Variants in NELL2 observed in about 807,000 individuals in gnomAD.
The protein encoded by NELL2 is protein kinase C-binding protein NELL2.
In NELL2, 41 loss-of-function variants were observed where a neutral mutation model predicts 109.6. The observed-to-expected ratio is 0.37, with a 90% confidence interval of 0.29 to 0.49. The LOEUF is 0.49. NELL2 is among the 20% of genes least tolerant of loss of function. The pLI, the probability that NELL2 is intolerant of heterozygous loss-of-function variation, is 0.98. For synonymous variants in NELL2, 355 were observed against 344.7 expected (o/e 1.03, Z -0.33); for missense variants, 900 against 1,008.3 (o/e 0.89, Z 1.45).
At chr12:44,787,080 T>C (rs1942206529) in intron 3 of NELL2, among the ~76,000 whole-genome samples, 1 of 151,974 alleles carries the variant, frequency 6.6e-6, no homozygotes, top group Admixed American at 6.6e-5. Context: ...TTTGGCAGGG[T>C]CATAGGATAC....
chr12:44,522,575 T>C (rs768579725), intron 17 of NELL2, among the ~76,000 whole-genome samples: 15 of 152,188 alleles, frequency 9.9e-5, no homozygotes, highest in African/African-American at 3.6e-4. Flanking sequence ...TAATAACATA[T>C]ATATATTACT....
At chr12:44,565,582 C>T (rs1415464244) in intron 15 of NELL2, among the ~76,000 whole-genome samples, 1 of 152,092 alleles carries the variant, frequency 6.6e-6, no homozygotes, top group Non-Finnish European at 1.5e-5. Context: ...AGTGCAAAGT[C>T]CCAGGAGACA....
chr12:44,541,438 G>A (rs1942566962), intron 15 of NELL2, among the ~76,000 whole-genome samples: 1 of 151,748 alleles, frequency 6.6e-6, no homozygotes, highest in Non-Finnish European at 1.5e-5. Flanking sequence ...TATACTAACT[G>A]GAGCTTTAAA....
chr12:44,795,741 A>C (rs1471061765), intron 3 of NELL2, among the ~76,000 whole-genome samples: 1 of 152,138 alleles, frequency 6.6e-6, no homozygotes, highest in Non-Finnish European at 1.5e-5. Context: ...ATAAAGAGTG[A>C]ACTACAGTGG....
chr12:44,807,348 C>G (rs1943036086), intron 3 of NELL2, among the ~76,000 whole-genome samples: 1 of 151,402 alleles, frequency 6.6e-6, no homozygotes, highest in Non-Finnish European at 1.5e-5. Context: ...CACACACACA[C>G]ACACACACGC....
intron 12 of NELL2, among the ~76,000 whole-genome samples, chr12:44,692,725 C>G (rs928979226): frequency 6.6e-6 from 1 of 151,992 alleles, no homozygotes; most frequent in Non-Finnish European, 1.5e-5. Flanking sequence ...TTGAGTGGTT[C>G]AAGACTTCAG....
chr12:44,609,439 C>T (rs1945528554), intron 14 of NELL2, among the ~76,000 whole-genome samples: 1 of 152,038 alleles, frequency 6.6e-6, no homozygotes, highest in Non-Finnish European at 1.5e-5. Flanking sequence ...CAGAATGGTG[C>T]ACAGTTTTAA....
intron 2 of NELL2, among the ~76,000 whole-genome samples, chr12:44,828,686 T>C (rs955759109): frequency 1.8e-4 from 27 of 152,130 alleles, no homozygotes; most frequent in Non-Finnish European, 5.9e-5. Flanking sequence ...GAAGTGCATG[T>C]TGGAATTTTC....
At chr12:44,565,159 C>T (rs1310490352) in intron 15 of NELL2, among the ~76,000 whole-genome samples, 2 of 152,134 alleles carry the variant, frequency 1.3e-5, no homozygotes, top group Non-Finnish European at 2.9e-5. Flanking sequence ...CAAGAATGTT[C>T]TACCTTAGAA....
intron 12 of NELL2, among the ~76,000 whole-genome samples, chr12:44,692,740 G>A (rs1242421056): frequency 6.6e-6 from 1 of 152,146 alleles, no homozygotes; most frequent in Non-Finnish European, 1.5e-5. Flanking sequence ...CTTCAGTAGA[G>A]GGAGTAGCTG....
rs1474176627 is a variant in NELL2 at position 44,872,992 on chromosome 12, G to A, written c.184+2233C>T. Reference sequence around the variant, plus strand: ...TCCAAATGCTATTAGCAAAGACCTTGCCAAGGTAATGCGAAATTCCATGCA... The same window carrying A: ...TCCAAATGCTATTAGCAAAGACCTTACCAAGGTAATGCGAAATTCCATGCA... On this transcript the variant is annotated intron_variant, in intron 2 of 19. Transcript: ENST00000429094. 2.0e-5 allele frequency among the ~76,000 whole-genome samples: 3 copies of A among 152,104 alleles called. No homozygotes were observed. In the East Asian group the frequency reaches 5.8e-4, roughly 29 times the overall value.
chr12:44,738,969 A>G (rs1477730378), intron 9 of NELL2, among the ~76,000 whole-genome samples: 1 of 152,212 alleles, frequency 6.6e-6, no homozygotes, highest in Admixed American at 6.5e-5. Flanking sequence ...ATTGGAATTT[A>G]AAGTCCAAAC....
At chr12:44,568,577 C>T (rs1007526857) in intron 15 of NELL2, among the ~76,000 whole-genome samples, 4 of 151,862 alleles carry the variant, frequency 2.6e-5, no homozygotes, top group African/African-American at 9.7e-5. Flanking sequence ...TTCTTAAAGG[C>T]CAGAATTTGA....
intron 12 of NELL2, among the ~76,000 whole-genome samples, chr12:44,685,662 C>T (rs961379132): frequency 2.6e-5 from 4 of 151,896 alleles, no homozygotes; most frequent in Admixed American, 2.6e-4. Context: ...TTTTATTTCT[C>T]CTTCACTTAT....
At chr12:44,706,368 G>T (rs7966932) in intron 11 of NELL2, among the ~76,000 whole-genome samples, 1 of 152,154 alleles carries the variant, frequency 6.6e-6, no homozygotes, top group South Asian at 2.1e-4. Flanking sequence ...ACTTGATTTC[G>T]AGTGGGTTGC....
rs1198944230 is a variant in NELL2, at chr12:44,869,501, ATTCT to A, written c.184+5720_184+5723del. 3.9e-5 allele frequency among the ~76,000 whole-genome samples: 6 copies of A among 152,184 alleles called. No individual in the cohort carries two copies. In the East Asian group the frequency reaches 1.2e-3, roughly 29 times the overall value. Reference sequence around the variant, plus strand: ...CTTCTTTCATTTTATTCTCTCACTGATTCTTTCAGGCCACACCAGCAGCAATTTT... The same window carrying A: ...CTTCTTTCATTTTATTCTCTCACTGATTCAGGCCACACCAGCAGCAATTTT... On this transcript the variant is annotated intron_variant, in intron 2 of 19. Transcript: ENST00000429094.
At chr12:44,624,281 AC>A (rs1946158655) in intron 13 of NELL2, among the ~76,000 whole-genome samples, 2 of 151,618 alleles carry the variant, frequency 1.3e-5, no homozygotes, top group South Asian at 4.2e-4. Context: ...CTTTACTCAC[AC>A]CTCTCTCCAA....
intron 11 of NELL2, among the ~76,000 whole-genome samples, chr12:44,704,716 G>A (rs900741375): frequency 2.0e-5 from 3 of 151,960 alleles, no homozygotes; most frequent in South Asian, 4.2e-4. Flanking sequence ...TACTATTTTA[G>A]CCCATGTAAA....
intron 11 of NELL2, among the ~76,000 whole-genome samples, chr12:44,707,471 A>T (rs1212104885): frequency 6.6e-6 from 1 of 152,200 alleles, no homozygotes; most frequent in Non-Finnish European, 1.5e-5. Flanking sequence ...AGCAGAATCA[A>T]GCTACACCTG....
Sources: gnomAD v4.1 joint callset for allele counts (sites outside exome capture counted in the v4.1 genomes callset) on GRCh38, gnomAD v4.1.1 for gene constraint, MANE v1.5 for transcripts, NCBI Gene and HGNC (gene_info 2026-07-23, HGNC 2026-07-21) for gene names.